Variants in DGKH observed in about 807,000 individuals in gnomAD.
The protein encoded by DGKH is DAG kinase eta.
A neutral mutation model predicts 159.3 loss-of-function variants in DGKH; 90 were observed. That is an observed-to-expected ratio of 0.57 (90% CI 0.48 to 0.67). DGKH has a LOEUF of 0.67. Among genes scored for constraint, DGKH ranks in the 30% least tolerant of loss-of-function variants. The probability of loss-of-function intolerance (pLI) is 0.00; values close to 1 mark genes in which losing one functional copy is unlikely to be tolerated. For synonymous variants in DGKH, 536 were observed against 553.8 expected (o/e 0.97, Z 0.45); for missense variants, 1,181 against 1,506.1 (o/e 0.78, Z 3.57).
At chr13:42,169,638 A>C (rs979864002) in intron 11 of DGKH, among the ~76,000 whole-genome samples, 2 of 152,212 alleles carry the variant, frequency 1.3e-5, no homozygotes, top group African/African-American at 4.8e-5. Flanking sequence ...ACTCTTCCCG[A>C]AAATAACAAA....
At chr13:42,171,463 C>A (rs184953479) in intron 11 of DGKH, among the ~76,000 whole-genome samples, 2 of 152,188 alleles carry the variant, frequency 1.3e-5, no homozygotes, top group Non-Finnish European at 2.9e-5. Context: ...CTGCCACTTT[C>A]TCCTTTTTAT....
intron 1 of DGKH, among the ~76,000 whole-genome samples, chr13:42,101,067 A>C (rs1280253427): frequency 6.6e-6 from 1 of 152,200 alleles, no homozygotes; most frequent in Non-Finnish European, 1.5e-5. Flanking sequence ...TCCATCCAGC[A>C]CTGGCTCCCC....
At chr13:42,158,524 T>C (rs1345630872) in intron 5 of DGKH, among the ~76,000 whole-genome samples, 1 of 152,236 alleles carries the variant, frequency 6.6e-6, no homozygotes, top group Non-Finnish European at 1.5e-5. Context: ...ATATATGTGC[T>C]GCTTTTTTTC....
chr13:42,212,614 T>C (rs537389252), intron 24 of DGKH, among the ~76,000 whole-genome samples: 1 of 152,342 alleles, frequency 6.6e-6, no homozygotes, highest in East Asian at 1.9e-4. Flanking sequence ...TAGTTTGGCT[T>C]CCCATCTGTT....
At chr13:42,053,356 A>G (rs1035236588) in intron 1 of DGKH, among the ~76,000 whole-genome samples, 2 of 147,902 alleles carry the variant, frequency 1.4e-5, no homozygotes, top group Non-Finnish European at 3.0e-5. Context: ...TACTAATTAT[A>G]TATATAACTA....
Position 42,156,233 on chromosome 13 carries a change from C to G in DGKH, c.622+434C>G, listed in dbSNP as rs78968234. Among the ~76,000 whole-genome samples the G allele has an allele frequency of 5.1e-3, 773 of 151,978 alleles. 6 individuals are homozygous for G. Among genetic ancestry groups the G allele is most frequent in the African/African-American group, 0.018 (741 of 41,438 alleles). The stretch of plus-strand genomic sequence containing the variant: ...CCTTAAAATTTTCTAAAAATAAGGC[C>G]TATGCTGTTGTTACTTTGTTTTGTT... On this transcript the variant is annotated intron_variant, in intron 5 of 29. Transcript: ENST00000337343.
intron 1 of DGKH, among the ~76,000 whole-genome samples, chr13:42,084,707 CT>C (rs201395327): frequency 5.4e-5 from 8 of 148,894 alleles, no homozygotes; most frequent in African/African-American, 1.2e-4. Context: ...AAGGATTAGA[CT>C]TTTTTTTTTC....
intron 1 of DGKH, among the ~76,000 whole-genome samples, chr13:42,101,045 G>C (rs998053329): frequency 6.6e-6 from 1 of 152,092 alleles, no homozygotes; most frequent in Non-Finnish European, 1.5e-5. Context: ...TTTGTGATCT[G>C]TCTCTAGCTT....
intron 30 of DGKH, chr13:42,256,261 C>T: frequency 6.3e-7 from 1 of 1,586,088 alleles, no homozygotes; most frequent in Non-Finnish European, 8.7e-7. Flanking sequence ...TACACTCAGC[C>T]AGGCTGCTGG....
At chr13:42,076,135 T>C (rs1338022467) in intron 1 of DGKH, among the ~76,000 whole-genome samples, 2 of 152,188 alleles carry the variant, frequency 1.3e-5, no homozygotes, top group Non-Finnish European at 2.9e-5. Flanking sequence ...ATTTAGTCTA[T>C]GATTTTTTAA....
chr13:42,228,000 A>AT (rs1283253901), intron 29 of DGKH, among the ~76,000 whole-genome samples: 4 of 152,040 alleles, frequency 2.6e-5, no homozygotes, highest in African/African-American at 9.7e-5. Context: ...AAATATTTCA[A>AT]TTTTTTTGGA....
intron 23 of DGKH, among the ~76,000 whole-genome samples, chr13:42,209,993 ATTTTT>A (rs34470988): frequency 7.5e-6 from 1 of 132,764 alleles, no homozygotes; most frequent in African/African-American, 2.9e-5. Context: ...GCAATCATTG[ATTTTT>A]TTTTTTTTTT....
At chr13:42,187,215 A>G in intron 14 of DGKH, 67 bp downstream of exon 14, 1 of 1,337,642 alleles carries the variant, frequency 7.5e-7, no homozygotes, top group Non-Finnish European at 1.1e-6. Context: ...CTGTGTTTCA[A>G]AGCTAAATTG....
chr13:42,117,630 T>C (rs1169135976), intron 1 of DGKH, among the ~76,000 whole-genome samples: 1 of 152,218 alleles, frequency 6.6e-6, no homozygotes, highest in Non-Finnish European at 1.5e-5. Context: ...TGTAGCTTCG[T>C]GAAGGCAAGG....
Position 42,229,124 on chromosome 13 carries a change from A to C in DGKH, c.3599A>C (p.His1200Pro), listed in dbSNP as rs1407512361. 6.2e-7 allele frequency: 1 copy of C among 1,611,244 alleles called. No homozygotes were observed. Among genetic ancestry groups the C allele is most frequent in the Non-Finnish European group, 8.5e-7 (1 of 1,179,282 alleles). ...GATCTGGGGATACCGAAAGTGGGTCATGTGAAGCGAATTCTCCAGGGAATT... is the reference window on the plus strand; with the variant it reads ...GATCTGGGGATACCGAAAGTGGGTCCTGTGAAGCGAATTCTCCAGGGAATT... ...LKDLGIPKVG[H>P]VKRILQGIKE... The change falls in exon 30 of 30, where the codon CAT becomes CCT. Residue 1200 changes from histidine (H) to proline (P), a missense_variant. Transcript: ENST00000337343.
intron 2 of DGKH, among the ~76,000 whole-genome samples, chr13:42,127,985 A>G (rs961956282): frequency 1.3e-5 from 2 of 152,052 alleles, no homozygotes; most frequent in Non-Finnish European, 2.9e-5. Context: ...TGTTCAGACA[A>G]GAGCTCATAT....
At chr13:42,246,282 G>A (rs533012628), downstream of DGKH, among the ~76,000 whole-genome samples, 49 of 152,206 alleles carry the variant, frequency 3.2e-4, no homozygotes, top group African/African-American at 1.0e-3. Flanking sequence ...GATACCAGCC[G>A]CAAGAATGAG....
At chr13:42,141,028 C>CCATTAACTCGTCATTTACATTAGGTATAT (rs55860412) in intron 3 of DGKH, among the ~76,000 whole-genome samples, 43,686 of 51,700 alleles carry the variant, frequency 0.84, 20,743 homozygotes, top group Non-Finnish European at 0.96. Flanking sequence ...TGTGCTGAAC[C>CCATTAACTCGTCATTTACATTAGGTATAT]CTCCTAATGC....
intron 20 of DGKH, among the ~76,000 whole-genome samples, chr13:42,204,149 T>A (rs1315578233): frequency 2.0e-5 from 3 of 152,204 alleles, no homozygotes; most frequent in Non-Finnish European, 4.4e-5. Context: ...AAAATATTTT[T>A]AAAATATTTC....
Sources: gnomAD v4.1 joint callset for allele counts (sites outside exome capture counted in the v4.1 genomes callset) on GRCh38, gnomAD v4.1.1 for gene constraint, MANE v1.5 for transcripts, NCBI Gene and HGNC (gene_info 2026-07-23, HGNC 2026-07-21) for gene names.